Variants in ADAD1 observed in about 807,000 individuals in gnomAD.
ADAD1 encodes adenosine deaminase domain containing 1.
In ADAD1, 46 loss-of-function variants were observed where a neutral mutation model predicts 66.8. That is an observed-to-expected ratio of 0.69 (90% CI 0.54 to 0.88). The LOEUF (loss-of-function observed/expected upper bound fraction) is 0.88. Ranked by LOEUF, ADAD1 falls within the 40% of genes least tolerant of loss-of-function variation. ADAD1 has a pLI of 0.00. For missense variants in ADAD1, 617 were observed against 681.8 expected, an observed-to-expected ratio of 0.91 and a Z score of 1.06; for synonymous variants, 248 against 229.4, an observed-to-expected ratio of 1.08 and a Z score of -0.73.
chr4:122,412,704 A>G lies in ADAD1; in HGVS notation c.1144A>G (p.Ser382Gly), dbSNP rs1796522132. 3 of 1,613,964 alleles carry G rather than the reference A, an allele frequency of 1.9e-6. No homozygotes were observed. Among genetic ancestry groups the G allele is most frequent in the Non-Finnish European group, 2.5e-6 (3 of 1,179,830 alleles). Residue 382 changes from serine to glycine, a missense_variant, in exon 10 of 13, where the codon AGT becomes GGT. Coordinates refer to ENST00000296513, the MANE Select transcript of ADAD1 (RefSeq NM_139243.4). ...TAAAGATGGTGTTAATAGAATAAGC[A>G]GTATGTCCTCAAGTGACAAATTGAC... Reference protein sequence around the residue: ...CPKDGVNRISSMSSSDKLTRW... With the variant: ...CPKDGVNRISGMSSSDKLTRW...
chr4:122,414,279 G>GC (rs559207741), intron 10 of ADAD1, among the ~76,000 whole-genome samples: 3 of 128,298 alleles, frequency 2.3e-5, no homozygotes, highest in South Asian at 3.1e-4. Flanking sequence ...TTTTTTTGGG[G>GC]GGGGGGGTAC....
chr4:122,393,808 C>A (rs927139800), intron 6 of ADAD1, 151 bp downstream of exon 6: 51 of 527,218 alleles, frequency 9.7e-5, no homozygotes, highest in Middle Eastern at 5.1e-4. Flanking sequence ...GAATTTTTTT[C>A]TATACTATGC....
chr4:122,392,376 A>G (rs1333580026), intron 5 of ADAD1, among the ~76,000 whole-genome samples: 2 of 152,234 alleles, frequency 1.3e-5, no homozygotes, highest in Non-Finnish European at 2.9e-5. Context: ...AGCCATTAAA[A>G]AAATAAAGTC....
chr4:122,407,144 C>T lies in ADAD1; in HGVS notation c.725-764C>T, dbSNP rs181995294. 2.6e-3 allele frequency among the ~76,000 whole-genome samples: 399 copies of T among 151,778 alleles called. 12 individuals carry two copies. The highest frequency in any genetic ancestry group is 7.7e-4 in the East Asian group (4 of 5,170). On this transcript the variant is annotated intron_variant, in intron 7 of 12. Coordinates refer to ENST00000296513, the MANE Select transcript of ADAD1 (RefSeq NM_139243.4). ...AGCCTAATAGTAAAAATCCATTAGG[C>T]GGTTGTGAATGTAGAACTGAACTTT...
intron 8 of ADAD1, among the ~76,000 whole-genome samples, chr4:122,408,721 C>CA (rs1005983230): frequency 9.9e-5 from 15 of 151,782 alleles, no homozygotes; most frequent in Middle Eastern, 3.4e-3. Context: ...CTAGTTTCTA[C>CA]AAAAAAATAA....
At chr4:122,400,887 T>C (rs556817750) in intron 7 of ADAD1, among the ~76,000 whole-genome samples, 1 of 152,268 alleles carries the variant, frequency 6.6e-6, no homozygotes, top group East Asian at 1.9e-4. Flanking sequence ...TCTTGTCTCT[T>C]CTTTTCTTGG....
intron 2 of ADAD1, 131 bp from the exon 3 acceptor site, chr4:122,379,931 T>G: frequency 2.3e-6 from 2 of 862,698 alleles, no homozygotes; most frequent in Non-Finnish European, 3.5e-6. Context: ...TCAAGAGGGA[T>G]TTGACTCTAG....
chr4:122,385,505 T>C (rs144548935), intron 5 of ADAD1, among the ~76,000 whole-genome samples: 473 of 152,308 alleles, frequency 3.1e-3, no homozygotes, highest in Middle Eastern at 0.01. Context: ...ACTCCTGACC[T>C]CAAGTGATCC....
At chr4:122,407,880 C>G in intron 7 of ADAD1, 28 bp from the exon 8 acceptor site, 1 of 1,606,044 alleles carries the variant, frequency 6.2e-7, no homozygotes, top group South Asian at 1.1e-5. Flanking sequence ...GTTAAATTAA[C>G]CTGCTACTGT....
chr4:122,414,649 A>C (rs1313570108), intron 10 of ADAD1, among the ~76,000 whole-genome samples: 1 of 152,102 alleles, frequency 6.6e-6, no homozygotes, highest in Non-Finnish European at 1.5e-5. Context: ...AAATATGTCT[A>C]GTGGTTTACA....
chr4:122,415,914 C>T (rs1796711971), intron 11 of ADAD1, among the ~76,000 whole-genome samples: 2 of 152,212 alleles, frequency 1.3e-5, no homozygotes, highest in South Asian at 4.1e-4. Flanking sequence ...ACGTATGTTT[C>T]TCCAACTGTA....
chr4:122,405,519 T>A (rs1796166540), intron 7 of ADAD1, among the ~76,000 whole-genome samples: 1 of 152,204 alleles, frequency 6.6e-6, no homozygotes, highest in Admixed American at 6.5e-5. Flanking sequence ...CACTTGACTT[T>A]CTAGAAACAT....
At chr4:122,422,510 A>G (rs1291837795) in intron 12 of ADAD1, among the ~76,000 whole-genome samples, 1 of 152,216 alleles carries the variant, frequency 6.6e-6, no homozygotes, top group Non-Finnish European at 1.5e-5. Context: ...ATACAGCATT[A>G]TATGAAAGTC....
At chr4:122,421,138 T>A (rs934973011) in intron 11 of ADAD1, 123 bp from the exon 12 acceptor site, 4 of 656,528 alleles carry the variant, frequency 6.1e-6, no homozygotes, top group African/African-American at 1.9e-5. Flanking sequence ...AAAAAAAAAA[T>A]TACTATGTAT....
At chr4:122,411,518 A>C (rs765289119) in intron 9 of ADAD1, 126 bp downstream of exon 9, 6 of 964,854 alleles carry the variant, frequency 6.2e-6, no homozygotes, top group Non-Finnish European at 9.0e-6. Context: ...TTGAGTTGTT[A>C]TTTGTGGCCT....
At chr4:122,419,215 C>A (rs575227187) in intron 11 of ADAD1, among the ~76,000 whole-genome samples, 1 of 152,166 alleles carries the variant, frequency 6.6e-6, no homozygotes, top group Non-Finnish European at 1.5e-5. Context: ...AGAATGAGAT[C>A]ATGTCCTCTG....
intron 5 of ADAD1, among the ~76,000 whole-genome samples, chr4:122,388,745 T>C (rs766241063): frequency 1.4e-4 from 21 of 152,206 alleles, no homozygotes; most frequent in Non-Finnish European, 2.6e-4. Context: ...TGTGTCTATT[T>C]GATTCTTTTC....
chr4:122,408,164 G>A (rs777997061), intron 8 of ADAD1, 133 bp downstream of exon 8: 35 of 926,390 alleles, frequency 3.8e-5, no homozygotes, highest in Non-Finnish European at 5.2e-5. Flanking sequence ...TCTTATCTAA[G>A]TCATCGGATT....
intron 4 of ADAD1, 34 bp from the exon 5 acceptor site, chr4:122,383,765 T>G: frequency 6.4e-7 from 1 of 1,552,018 alleles, no homozygotes. Flanking sequence ...ATAATAAAAA[T>G]TATTGTAGCA....
Sources: gnomAD v4.1 joint callset for allele counts (sites outside exome capture counted in the v4.1 genomes callset) on GRCh38, gnomAD v4.1.1 for gene constraint, MANE v1.5 for transcripts, NCBI Gene and HGNC (gene_info 2026-07-23, HGNC 2026-07-21) for gene names.